Variants in ZNF804B observed in about 807,000 individuals in gnomAD.
ZNF804B encodes zinc finger protein 804B.
Under a neutral mutation model 101.4 loss-of-function variants are expected in ZNF804B, and 80 were observed. That is an observed-to-expected ratio of 0.79 (90% CI 0.66 to 0.95). The LOEUF is 0.95. Ranked by LOEUF, ZNF804B falls within the 40% of genes least tolerant of loss-of-function variation. ZNF804B has a pLI of 0.00. For missense variants in ZNF804B, 1,673 were observed against 1,561.9 expected, an observed-to-expected ratio of 1.07 and a Z score of -1.20; for synonymous variants, 622 against 558.8, an observed-to-expected ratio of 1.11 and a Z score of -1.59.
intron 1 of ZNF804B, among the ~76,000 whole-genome samples, chr7:88,992,069 T>G (rs1460383096): frequency 6.6e-6 from 1 of 152,152 alleles, no homozygotes; most frequent in African/African-American, 2.4e-5. Context: ...TTTCTGAGTC[T>G]GGTTGCAGAT....
chr7:89,062,684 C>G (rs113496932), intron 1 of ZNF804B, among the ~76,000 whole-genome samples: 3 of 152,030 alleles, frequency 2.0e-5, no homozygotes, highest in Non-Finnish European at 4.4e-5. Context: ...TGACTGCTGA[C>G]GACTAACACA....
At chr7:88,826,753 T>A (rs557282467) in intron 1 of ZNF804B, among the ~76,000 whole-genome samples, 3 of 152,266 alleles carry the variant, frequency 2.0e-5, no homozygotes, top group Admixed American at 2.0e-4. Context: ...ATGATGAATA[T>A]ATTTTGCATA....
chr7:89,080,520 T>A (rs1789681254), intron 1 of ZNF804B, among the ~76,000 whole-genome samples: 1 of 151,858 alleles, frequency 6.6e-6, no homozygotes. Context: ...CAAGAAACAT[T>A]TCTTCTTCTA....
intron 1 of ZNF804B, among the ~76,000 whole-genome samples, chr7:88,881,883 A>C (rs1792048555): frequency 6.6e-6 from 1 of 152,190 alleles, no homozygotes; most frequent in South Asian, 2.1e-4. Flanking sequence ...AAGTAAATGA[A>C]CAACTGTTAT....
At position 89,156,068 on chromosome 7, in the gene ZNF804B, CTTT is replaced by C. The variant is rs766762240; in HGVS notation, c.109-62086_109-62084del. Among the ~76,000 whole-genome samples, 522 of 61,970 alleles carry C rather than the reference CTTT, an allele frequency of 8.4e-3. 15 individuals carry two copies. Among genetic ancestry groups the C allele is most frequent in the South Asian group, 0.013 (21 of 1,662 alleles). The allele number at this position is 61,970 out of a possible 152,430, so 40.7% of individuals were successfully genotyped here. The stretch of plus-strand genomic sequence containing the variant: ...TCTTTCTTTCTTTCTTTCTTTCTTT[CTTT>C]CTCTCTTTCTCTCTTTCCTTTCTTT... On this transcript the variant is annotated intron_variant, in intron 1 of 3. Coordinates refer to ENST00000333190, the MANE Select transcript of ZNF804B (RefSeq NM_181646.5).
At chr7:89,205,873 C>T (rs1788707274) in intron 1 of ZNF804B, among the ~76,000 whole-genome samples, 1 of 152,172 alleles carries the variant, frequency 6.6e-6, no homozygotes, top group Non-Finnish European at 1.5e-5. Flanking sequence ...CCCACATTTC[C>T]CTTCTTCATT....
At chr7:89,319,861 G>A (rs907113996) in intron 2 of ZNF804B, among the ~76,000 whole-genome samples, 11 of 152,090 alleles carry the variant, frequency 7.2e-5, no homozygotes, top group Non-Finnish European at 1.0e-4. Flanking sequence ...CCCAACACTC[G>A]TACTTGAGGG....
intron 1 of ZNF804B, among the ~76,000 whole-genome samples, chr7:88,956,162 G>A (rs1370396179): frequency 2.0e-5 from 3 of 151,498 alleles, no homozygotes; most frequent in African/African-American, 7.3e-5. Flanking sequence ...CAGTCATCTT[G>A]GAAAACAGTA....
chr7:89,090,555 G>A (rs1465856516), intron 1 of ZNF804B, among the ~76,000 whole-genome samples: 1 of 151,868 alleles, frequency 6.6e-6, no homozygotes, highest in Admixed American at 6.6e-5. Context: ...ACTACTTATA[G>A]GTATTTAGTA....
intron 1 of ZNF804B, among the ~76,000 whole-genome samples, chr7:88,834,344 A>G (rs7795815): frequency 0.5 from 75,860 of 151,452 alleles, 20,909 homozygotes; most frequent in East Asian, 0.81. Flanking sequence ...ACCTAGTATT[A>G]TGTATTAAGA....
At chr7:88,815,875 A>G (rs775494154) in intron 1 of ZNF804B, among the ~76,000 whole-genome samples, 27 of 151,838 alleles carry the variant, frequency 1.8e-4, no homozygotes, top group Non-Finnish European at 2.8e-4. Flanking sequence ...ACCCATTCAC[A>G]TAGCCCTCTT....
rs116734149 is a variant in ZNF804B, at chr7:89,121,412, T to A, written c.109-96743T>A. Among the ~76,000 whole-genome samples, 466 of 152,298 alleles carry A rather than the reference T, an allele frequency of 3.1e-3. 3 individuals are homozygous for A. The highest frequency in any genetic ancestry group is 0.011 in the African/African-American group (439 of 41,568). ...AACATTTTTCTCTATAATACAAAAT[T>A]ATTTTCATTAATAGCCATGGAATAA... On this transcript the variant is annotated intron_variant, in intron 1 of 3. Coordinates refer to ENST00000333190, the MANE Select transcript of ZNF804B (RefSeq NM_181646.5).
At chr7:89,199,828 CAT>C (rs898501715) in intron 1 of ZNF804B, among the ~76,000 whole-genome samples, 93 of 149,152 alleles carry the variant, frequency 6.2e-4, no homozygotes, top group African/African-American at 2.2e-3. Context: ...TATAAACATC[CAT>C]ATATGTGTGT....
chr7:89,310,840 C>A (rs552849713), intron 2 of ZNF804B, among the ~76,000 whole-genome samples: 1 of 152,112 alleles, frequency 6.6e-6, no homozygotes, highest in African/African-American at 2.4e-5. Context: ...AGGTTGTGAC[C>A]ATGAAGGAGC....
chr7:88,908,394 A>G (rs1411811318), intron 1 of ZNF804B, among the ~76,000 whole-genome samples: 1 of 151,746 alleles, frequency 6.6e-6, no homozygotes, highest in East Asian at 1.9e-4. Context: ...TAATTTGAAA[A>G]AGTAACACAT....
rs77855035 is a variant in ZNF804B, at chr7:88,808,382, C to CA, written c.108+48315dup. Among the ~76,000 whole-genome samples, 564 of 81,122 alleles carry CA rather than the reference C, an allele frequency of 7.0e-3. 7 individuals are homozygous for CA. The highest frequency in any genetic ancestry group is 0.013 in the African/African-American group (313 of 23,342). 53.2% of individuals were successfully genotyped at this position (81,122 alleles called of 152,430 possible). ...GGGGGACAAGAGTGAGACATCATCT[C>CA]AAAAAAAAAAAAAAAAAGTAAACCA... is the stretch of plus-strand genomic sequence containing the variant. On this transcript the variant is annotated intron_variant, in intron 1 of 3. Coordinates refer to ENST00000333190, the MANE Select transcript of ZNF804B (RefSeq NM_181646.5).
intron 1 of ZNF804B, among the ~76,000 whole-genome samples, chr7:89,009,218 A>C (rs957063930): frequency 1.3e-5 from 2 of 151,998 alleles, no homozygotes; most frequent in Non-Finnish European, 2.9e-5. Flanking sequence ...TGGTTCTCTG[A>C]CTTCTTTATC....
chr7:88,940,775 AATAATAATAAT>A (rs1371277746), intron 1 of ZNF804B, among the ~76,000 whole-genome samples: 1 of 130,882 alleles, frequency 7.6e-6, no homozygotes, highest in African/African-American at 3.6e-5. Flanking sequence ...TTAAAATAAT[AATAATAATAAT>A]AATAATAATA....
chr7:89,107,460 C>A (rs1239593363), intron 1 of ZNF804B, among the ~76,000 whole-genome samples: 2 of 152,104 alleles, frequency 1.3e-5, no homozygotes, highest in African/African-American at 4.8e-5. Flanking sequence ...ACACTCCTTT[C>A]TTAGCAAATC....
Sources: allele counts gnomAD v4.1 joint callset (sites outside exome capture counted in the v4.1 genomes callset), GRCh38; gene constraint gnomAD v4.1.1; transcripts MANE v1.5; gene names NCBI Gene and HGNC (gene_info 2026-07-23, HGNC 2026-07-21).